Variants in ADCY2 observed in about 807,000 individuals in gnomAD.
ADCY2 encodes adenylate cyclase type 2.
Under a neutral mutation model 125.2 loss-of-function variants are expected in ADCY2, and 31 were observed. The ratio of observed to expected loss-of-function variants is 0.25; its 90% CI spans 0.19 to 0.33. ADCY2 has a LOEUF of 0.33. Ranked by LOEUF, ADCY2 falls within the 10% of genes least tolerant of loss-of-function variation. The pLI is 1.00. For missense variants in ADCY2, 904 were observed against 1,418.2 expected, an observed-to-expected ratio of 0.64 and a Z score of 5.82; for synonymous variants, 512 against 548.4, an observed-to-expected ratio of 0.93 and a Z score of 0.93.
chr5:7,612,091 A>C (rs758330771), intron 3 of ADCY2, among the ~76,000 whole-genome samples: 18 of 152,170 alleles, frequency 1.2e-4, no homozygotes, highest in Admixed American at 2.0e-4. Context: ...TCCCTAAAAC[A>C]TAATAGTTTC....
intron 22 of ADCY2, among the ~76,000 whole-genome samples, chr5:7,808,418 C>T (rs762944697): frequency 3.0e-4 from 46 of 152,178 alleles, no homozygotes; most frequent in Non-Finnish European, 6.5e-4. Context: ...TTTTACAAAC[C>T]TGCCACTTCC....
chr5:7,581,612 G>A (rs1165563364), intron 3 of ADCY2, among the ~76,000 whole-genome samples: 2 of 151,988 alleles, frequency 1.3e-5, no homozygotes, highest in Non-Finnish European at 2.9e-5. Flanking sequence ...GAGGTCAAGA[G>A]ATCAAGACCA....
intron 2 of ADCY2, among the ~76,000 whole-genome samples, chr5:7,466,918 C>T (rs1742140694): frequency 6.6e-6 from 1 of 152,150 alleles, no homozygotes; most frequent in South Asian, 2.1e-4. Context: ...TTTTCAGCTT[C>T]ATGATGGTGT....
chr5:7,745,331 A>T (rs930354433), intron 15 of ADCY2, among the ~76,000 whole-genome samples: 3 of 152,160 alleles, frequency 2.0e-5, no homozygotes, highest in African/African-American at 7.2e-5. Flanking sequence ...TACCTTTGCA[A>T]ACTTGTGTGG....
intron 3 of ADCY2, among the ~76,000 whole-genome samples, chr5:7,546,575 A>G (rs1735154223): frequency 6.6e-6 from 1 of 152,182 alleles, no homozygotes; most frequent in Non-Finnish European, 1.5e-5. Context: ...AGAGCATTCA[A>G]TCAGGCTCCA....
intron 1 of ADCY2, among the ~76,000 whole-genome samples, chr5:7,405,294 T>C (rs755461712): frequency 1.3e-5 from 2 of 151,800 alleles, no homozygotes; most frequent in African/African-American, 2.4e-5. Context: ...TTAACAGATT[T>C]GAACTACTCT....
rs186948908 is a variant in ADCY2 at position 7,609,699 on chromosome 5, T to G, written c.571-16468T>G. Among the ~76,000 whole-genome samples, 20 of 152,284 alleles carry G rather than the reference T, an allele frequency of 1.3e-4. No individual in the cohort carries two copies. In the East Asian group the frequency reaches 3.7e-3, roughly 28 times the overall value. On this transcript the variant is annotated intron_variant, in intron 3 of 24. Coordinates refer to ENST00000338316, the MANE Select transcript of ADCY2 (RefSeq NM_020546.3). Reference sequence around the variant, plus strand: ...ATGGAGAAATGCAAAACATTTACTTTTGGCAAATGATGTTGGGGAAGTATC... The same window carrying G: ...ATGGAGAAATGCAAAACATTTACTTGTGGCAAATGATGTTGGGGAAGTATC...
At chr5:7,450,941 A>G (rs924881504) in intron 2 of ADCY2, among the ~76,000 whole-genome samples, 1 of 152,216 alleles carries the variant, frequency 6.6e-6, no homozygotes, top group Admixed American at 6.5e-5. Context: ...TGAATATTTT[A>G]AGCCTACTGT....
intron 2 of ADCY2, among the ~76,000 whole-genome samples, chr5:7,433,890 T>G (rs1185497406): frequency 6.6e-6 from 1 of 152,112 alleles, no homozygotes; most frequent in South Asian, 2.1e-4. Flanking sequence ...TTGGAGAAAA[T>G]CAGATTCCTA....
intron 3 of ADCY2, among the ~76,000 whole-genome samples, chr5:7,540,040 G>A (rs774523556): frequency 6.6e-6 from 1 of 152,186 alleles, no homozygotes; most frequent in Non-Finnish European, 1.5e-5. Context: ...CAACATGGAT[G>A]GAGCTGGAGG....
chr5:7,616,305 A>G (rs1167515700), intron 3 of ADCY2, among the ~76,000 whole-genome samples: 1 of 152,208 alleles, frequency 6.6e-6, no homozygotes, highest in Non-Finnish European at 1.5e-5. Context: ...GTTCTCATAT[A>G]GAAAACTAAT....
intron 3 of ADCY2, among the ~76,000 whole-genome samples, chr5:7,584,871 C>G (rs1054684344): frequency 6.6e-6 from 1 of 152,124 alleles, no homozygotes; most frequent in Admixed American, 6.5e-5. Flanking sequence ...TTAGAACTCT[C>G]TAAAAGTCTC....
chr5:7,419,463 C>G (rs1020899919), intron 2 of ADCY2, among the ~76,000 whole-genome samples: 4 of 152,120 alleles, frequency 2.6e-5, no homozygotes, highest in African/African-American at 7.2e-5. Context: ...TATCTATTGC[C>G]GAAGCTCAAC....
chr5:7,716,021 G>A (rs1489537672), intron 11 of ADCY2, among the ~76,000 whole-genome samples: 1 of 152,130 alleles, frequency 6.6e-6, no homozygotes, highest in Admixed American at 6.5e-5. Context: ...TCTTTGCAGT[G>A]GATATTTAAC....
Position 7,524,721 on chromosome 5 carries a change from G to A in ADCY2, c.570+3822G>A, listed in dbSNP as rs567936844. Among the ~76,000 whole-genome samples, 6 of 152,274 alleles carry A rather than the reference G, an allele frequency of 3.9e-5. 1 individual carries two copies. The highest frequency in any genetic ancestry group is 1.4e-4 in the African/African-American group (6 of 41,538). On this transcript the variant is annotated intron_variant, in intron 3 of 24. Transcript: ENST00000338316. ...CTGCATCTTTGGCAAGAATCACAGA[G>A]CGGTGGTGGGTGCATCCTCCCGGAG...
chr5:7,521,288 A>G (rs1354568914), intron 3 of ADCY2, among the ~76,000 whole-genome samples: 1 of 152,158 alleles, frequency 6.6e-6, no homozygotes, highest in Non-Finnish European at 1.5e-5. Context: ...CTCTACCTTG[A>G]TATTCAAAAC....
intron 16 of ADCY2, among the ~76,000 whole-genome samples, chr5:7,759,642 A>T (rs1019608792): frequency 6.6e-6 from 1 of 151,938 alleles, no homozygotes; most frequent in Non-Finnish European, 1.5e-5. Context: ...CCTCTGGGGG[A>T]GGAGGCCTCC....
Position 7,499,286 on chromosome 5 carries a change from A to G in ADCY2, c.409-21452A>G, listed in dbSNP as rs145070113. Among the ~76,000 whole-genome samples, 210 of 152,254 alleles carry G rather than the reference A, an allele frequency of 1.4e-3. No homozygotes were observed. In the East Asian group the frequency reaches 0.023, roughly 16 times the overall value. ...CTCCCAAAGTGCTGGGATTACAGGC[A>G]TGAGCCACTGTGCCTGGCCGAGTGG... On this transcript the variant is annotated intron_variant, in intron 2 of 24. Coordinates refer to ENST00000338316, the MANE Select transcript of ADCY2 (RefSeq NM_020546.3).
chr5:7,412,817 C>G (rs1345283703), intron 1 of ADCY2, among the ~76,000 whole-genome samples: 5 of 152,234 alleles, frequency 3.3e-5, no homozygotes, highest in Non-Finnish European at 5.9e-5. Context: ...CAGCCCTTCT[C>G]TGTGCCTCAG....
Sources: gnomAD v4.1 joint callset for allele counts (sites outside exome capture counted in the v4.1 genomes callset) on GRCh38, gnomAD v4.1.1 for gene constraint, MANE v1.5 for transcripts, NCBI Gene and HGNC (gene_info 2026-07-23, HGNC 2026-07-21) for gene names.